MAP2: variants seen among roughly 807,000 people sequenced by gnomAD.
MAP2 encodes microtubule associated protein 2.
MAP2 carries 14 observed loss-of-function variants against 137.6 expected under a neutral mutation model. The observed-to-expected ratio is 0.10, with a 90% CI of 0.07 to 0.16. The LOEUF (loss-of-function observed/expected upper bound fraction) is 0.16. Ranked by LOEUF, MAP2 falls within the 10% of genes least tolerant of loss-of-function variation. The probability of loss-of-function intolerance (pLI) is 1.00; values close to 1 mark genes in which losing one functional copy is unlikely to be tolerated. For missense variants in MAP2, 2,088 were observed against 2,191.5 expected (o/e 0.95, Z 0.94); for synonymous variants, 786 against 782.3 (o/e 1.00, Z -0.08).
intron 2 of MAP2, among the ~76,000 whole-genome samples, chr2:209,560,404 T>C (rs1227436217): frequency 6.6e-6 from 1 of 152,180 alleles, no homozygotes; most frequent in Non-Finnish European, 1.5e-5. Flanking sequence ...TGCAAACATA[T>C]AACTTCTTTT....
Position 209,695,114 on chromosome 2 carries a change from G to C in MAP2, c.2944G>C (p.Glu982Gln). The change falls in exon 8 of 16, where the codon GAG becomes CAG. Residue 982 changes from glutamate to glutamine, a missense_variant. By Grantham distance (29) the Glu-to-Gln change is conservative. This residue lies in a region of MAP2 where 500 missense variants were observed against 482.9 expected (regional missense o/e 1.04). Transcript: ENST00000682079. ...AAAAGAACATGCCAAGAAAACTGAA[G>C]AGGCTGGTGATGAAATAGAAACATT... is the stretch of plus-strand genomic sequence containing the variant. ...DSKEHAKKTE[E>Q]AGDEIETFGL... 1.9e-6 allele frequency: 3 copies of C among 1,614,170 alleles called. No homozygotes were observed. Among genetic ancestry groups the C allele is most frequent in the Non-Finnish European group, 2.5e-6 (3 of 1,180,030 alleles).
intron 3 of MAP2, among the ~76,000 whole-genome samples, chr2:209,614,503 T>G (rs1356488574): frequency 6.6e-6 from 1 of 152,164 alleles, no homozygotes; most frequent in Admixed American, 6.6e-5. Context: ...ATTATCATAT[T>G]ATGCACTCAG....
chr2:209,665,196 C>T (rs972021864), intron 5 of MAP2, among the ~76,000 whole-genome samples: 14 of 152,148 alleles, frequency 9.2e-5, no homozygotes, highest in South Asian at 2.1e-4. Context: ...GAAAATATAT[C>T]TTTGACTGAA....
intron 13 of MAP2, chr2:209,723,646 G>C (rs1168705672): frequency 6.2e-7 from 1 of 1,613,994 alleles, no homozygotes; most frequent in Non-Finnish European, 8.5e-7. Context: ...GTCCAGATGT[G>C]GTTCCAAGGA....
intron 5 of MAP2, among the ~76,000 whole-genome samples, chr2:209,665,497 G>A (rs2045914821): frequency 6.6e-6 from 1 of 152,178 alleles, no homozygotes; most frequent in African/African-American, 2.4e-5. Context: ...TCTAGGTCAA[G>A]TAAATCTCAT....
At chr2:209,723,724 G>T (rs763787825) in intron 13 of MAP2, 1 of 1,446,466 alleles carries the variant, frequency 6.9e-7, no homozygotes, top group South Asian at 1.1e-5. Context: ...TGTCCTGATT[G>T]CGTGGAGCCA....
At chr2:209,529,755 C>T (rs1293421667) in intron 2 of MAP2, among the ~76,000 whole-genome samples, 1 of 152,038 alleles carries the variant, frequency 6.6e-6, no homozygotes. Flanking sequence ...TCACTAAGTA[C>T]CTATAAGCTA....
In MAP2 at chr2:209,705,737, T is replaced by C; in HGVS notation, c.4732+10T>C. On this transcript the variant is annotated intron_variant, in intron 12 of 15. Transcript: ENST00000682079. Reference sequence around the variant, plus strand: ...GCACGGCGGACCACCAGTAGGTTTATTTTGATTTGAATTCCTTTTTAAGCA... The same window carrying C: ...GCACGGCGGACCACCAGTAGGTTTACTTTGATTTGAATTCCTTTTTAAGCA... 2 of 1,609,764 alleles carry C rather than the reference T, an allele frequency of 1.2e-6. No individual in the cohort carries two copies. The highest frequency in any genetic ancestry group is 1.3e-5 in the African/African-American group (1 of 74,860).
intron 2 of MAP2, among the ~76,000 whole-genome samples, chr2:209,570,104 G>C (rs1013602089): frequency 2.6e-5 from 4 of 151,762 alleles, no homozygotes; most frequent in African/African-American, 9.7e-5. Context: ...AATTCTGACA[G>C]TAAAAATCTA....
intron 2 of MAP2, among the ~76,000 whole-genome samples, chr2:209,554,059 A>G (rs1559312875): frequency 6.6e-6 from 1 of 152,218 alleles, no homozygotes. Context: ...GGTGTGTTCA[A>G]GATACCTGTT....
chr2:209,517,090 C>T (rs1223747284), intron 2 of MAP2, among the ~76,000 whole-genome samples: 1 of 152,012 alleles, frequency 6.6e-6, no homozygotes, highest in Non-Finnish European at 1.5e-5. Flanking sequence ...GAAATGTATA[C>T]CCCACAGGGT....
chr2:209,494,363 G>A (rs146132324), intron 1 of MAP2, among the ~76,000 whole-genome samples: 36 of 151,520 alleles, frequency 2.4e-4, no homozygotes, highest in Admixed American at 4.6e-4. Flanking sequence ...GCAAACCACC[G>A]TGGCCCATAT....
intron 5 of MAP2, among the ~76,000 whole-genome samples, chr2:209,667,967 T>C (rs541796736): frequency 3.3e-5 from 5 of 152,040 alleles, no homozygotes; most frequent in African/African-American, 4.8e-5. Context: ...ATTACAAAGC[T>C]TAATCTCCTT....
chr2:209,472,631 A>G (rs899767037), intron 1 of MAP2, among the ~76,000 whole-genome samples: 7 of 152,140 alleles, frequency 4.6e-5, no homozygotes, highest in Non-Finnish European at 8.8e-5. Flanking sequence ...GAAAGAAGAG[A>G]AGTTAAGCAC....
intron 13 of MAP2, among the ~76,000 whole-genome samples, chr2:209,713,104 A>G (rs1475002903): frequency 6.6e-6 from 1 of 152,216 alleles, no homozygotes; most frequent in African/African-American, 2.4e-5. Flanking sequence ...ATGTAACTTT[A>G]ATTCCTCTGC....
At chr2:209,697,183 T>G in intron 10 of MAP2, 132 bp downstream of exon 10, 1 of 865,868 alleles carries the variant, frequency 1.2e-6, no homozygotes, top group South Asian at 2.0e-5. Context: ...ATTTTGCTAT[T>G]AAGTGTCTTG....
At chr2:209,549,579 T>C (rs573243844) in intron 2 of MAP2, among the ~76,000 whole-genome samples, 20 of 152,286 alleles carry the variant, frequency 1.3e-4, no homozygotes, top group African/African-American at 4.8e-4. Context: ...GTAAAAGATA[T>C]TTGTTTATTC....
At chr2:209,590,707 C>T (rs1158887016) in intron 3 of MAP2, among the ~76,000 whole-genome samples, 3 of 152,120 alleles carry the variant, frequency 2.0e-5, no homozygotes, top group Non-Finnish European at 2.9e-5. Flanking sequence ...GCTTGATAGC[C>T]ACATTCTTTT....
chr2:209,613,389 TAAAC>T (rs1286135139), intron 3 of MAP2, among the ~76,000 whole-genome samples: 4 of 152,254 alleles, frequency 2.6e-5, no homozygotes, highest in Admixed American at 6.5e-5. Context: ...AATAAAATCA[TAAAC>T]AAAAGAAAAC....
Sources: gnomAD v4.1 joint callset for allele counts (sites outside exome capture counted in the v4.1 genomes callset) on GRCh38, gnomAD v4.1.1 for gene constraint, gnomAD v4.1.1 regional missense constraint, MANE v1.5 for transcripts, NCBI Gene and HGNC (gene_info 2026-07-23, HGNC 2026-07-21) for gene names.